SOS2: variants seen among roughly 807,000 people sequenced by gnomAD.
SOS2 encodes the protein son of sevenless homolog 2.
SOS2 carries 65 observed loss-of-function variants against 148.2 expected under a neutral mutation model. The ratio of observed to expected loss-of-function variants is 0.44; its 90% CI spans 0.36 to 0.54. The LOEUF (loss-of-function observed/expected upper bound fraction) is 0.54, where lower values mean the gene tolerates loss of function less well. SOS2 is among the 20% of genes least tolerant of loss of function. The probability of loss-of-function intolerance (pLI) is 0.00; values close to 1 mark genes in which losing one functional copy is unlikely to be tolerated. For missense variants in SOS2, 1,341 were observed against 1,590.2 expected, an observed-to-expected ratio of 0.84 and a Z score of 2.67; for synonymous variants, 539 against 537.1, an observed-to-expected ratio of 1.00 and a Z score of -0.05.
chr14:50,189,593 G>C (rs1886055239), intron 4 of SOS2, among the ~76,000 whole-genome samples: 1 of 152,002 alleles, frequency 6.6e-6, no homozygotes. Context: ...ATTTGAGTAG[G>C]GTTAAAAGGA....
At chr14:50,164,386 G>A (rs1217626772) in intron 8 of SOS2, among the ~76,000 whole-genome samples, 1 of 152,058 alleles carries the variant, frequency 6.6e-6, no homozygotes, top group African/African-American at 2.4e-5. Flanking sequence ...AATACAGTGA[G>A]CTGAGATTGT....
intron 1 of SOS2, among the ~76,000 whole-genome samples, chr14:50,214,612 G>A (rs1217204484): frequency 6.6e-6 from 1 of 151,856 alleles, no homozygotes; most frequent in Non-Finnish European, 1.5e-5. Context: ...AGGAGTTTCA[G>A]GCTTCCAAAC....
At chr14:50,155,901 G>C (rs1480838920) in intron 12 of SOS2, 3 of 151,964 alleles carry the variant, frequency 2.0e-5, no homozygotes, top group African/African-American at 7.3e-5. Flanking sequence ...TAGTAGAAAA[G>C]AATTACTTAT....
At chr14:50,171,247 A>G (rs1257204362) in intron 8 of SOS2, among the ~76,000 whole-genome samples, 1 of 152,208 alleles carries the variant, frequency 6.6e-6, no homozygotes, top group Non-Finnish European at 1.5e-5. Context: ...TAGTTACTCA[A>G]AAAATTAAAG....
At position 50,139,904 on chromosome 14, in the gene SOS2, C is replaced by T. The variant is rs774220533; in HGVS notation, c.2785+38G>A. On this transcript the variant is annotated intron_variant, in intron 17 of 22. Coordinates refer to ENST00000216373, the MANE Select transcript of SOS2 (RefSeq NM_006939.4). The stretch of plus-strand genomic sequence containing the variant: ...AGACTGCTCTCTTTTGGCTATCACA[C>T]GCTCACCCTCAAAATATATCCATAT... The T allele has an allele frequency of 2.7e-5, 28 of 1,022,382 alleles. No individual in the cohort carries two copies. The East Asian group carries it at 2.9e-4, about 10-fold the overall frequency. 63.3% of individuals were successfully genotyped at this position (1,022,382 alleles called of 1,614,324 possible). A position where few individuals can be genotyped will look rare whatever the true frequency, so the allele number is the denominator to read the frequency against.
chr14:50,217,736 C>A (rs758053734), intron 1 of SOS2, among the ~76,000 whole-genome samples: 2 of 151,230 alleles, frequency 1.3e-5, no homozygotes, highest in Non-Finnish European at 3.0e-5. Context: ...GCCGGTGGAT[C>A]ACGAGGTCAG....
chr14:50,127,509 T>TA (rs1331376114), intron 21 of SOS2, among the ~76,000 whole-genome samples: 1 of 152,166 alleles, frequency 6.6e-6, no homozygotes, highest in Non-Finnish European at 1.5e-5. Flanking sequence ...TGGTAACAAC[T>TA]ACAGCAGGTA....
At chr14:50,167,954 G>A (rs1320378969) in intron 8 of SOS2, among the ~76,000 whole-genome samples, 4 of 151,698 alleles carry the variant, frequency 2.6e-5, no homozygotes, top group Non-Finnish European at 4.4e-5. Flanking sequence ...CAAAGTAAAA[G>A]GTAAAAAAAT....
At chr14:50,210,862 G>A (rs1485198254) in intron 1 of SOS2, among the ~76,000 whole-genome samples, 1 of 152,052 alleles carries the variant, frequency 6.6e-6, no homozygotes, top group African/African-American at 2.4e-5. Flanking sequence ...TCACCAGGCA[G>A]CAAAACTAAA....
chr14:50,158,056 T>G (rs1233337077), intron 11 of SOS2, among the ~76,000 whole-genome samples: 1 of 151,966 alleles, frequency 6.6e-6, no homozygotes, highest in Non-Finnish European at 1.5e-5. Flanking sequence ...AATCATGGGG[T>G]GGGGTGTTTA....
chr14:50,168,785 C>G (rs930898984), intron 8 of SOS2, among the ~76,000 whole-genome samples: 2 of 152,104 alleles, frequency 1.3e-5, no homozygotes, highest in Non-Finnish European at 2.9e-5. Flanking sequence ...TAGTGTGACT[C>G]AAAGGTTATT....
In SOS2 at chr14:50,231,529, G is replaced by C. The variant is rs988673365; in HGVS notation, c.-246C>G. The C allele has an allele frequency of 6.6e-6, 1 of 151,678 alleles. No individual in the cohort carries two copies. Among genetic ancestry groups the C allele is most frequent in the East Asian group, 1.9e-4 (1 of 5,150 alleles). 9.4% of individuals were successfully genotyped at this position (151,678 alleles called of 1,614,324 possible). A position where few individuals can be genotyped will look rare whatever the true frequency, so the allele number is the denominator to read the frequency against. On this transcript the variant is annotated 5_prime_UTR_variant, in exon 1 of 23. Transcript: ENST00000216373. The stretch of plus-strand genomic sequence containing the variant: ...AGGAAGCGCGGCGACCCGCAAGCCC[G>C]GGCGACCCCGGGCGGCGACCTCCTT...
intron 5 of SOS2, among the ~76,000 whole-genome samples, chr14:50,184,479 T>C (rs1019538399): frequency 1.3e-5 from 2 of 152,088 alleles, no homozygotes; most frequent in African/African-American, 4.8e-5. Context: ...AATACTGAGT[T>C]TATGCTAATG....
chr14:50,139,960 G>A lies in SOS2; in HGVS notation c.2767C>T (p.Pro923Ser), dbSNP rs917537969. The A allele has an allele frequency of 6.4e-7, 1 of 1,569,780 alleles. No homozygotes were observed. Among genetic ancestry groups the A allele is most frequent in the Non-Finnish European group, 8.8e-7 (1 of 1,141,102 alleles). ...YLVKLKSINP[P>S]CVPFFGIYLT... ...AACTTACCAAAAAAAGGCACACAAGGTGGATTGATTGACTTAAGTTTTACT... is the reference window on the plus strand; with the variant it reads ...AACTTACCAAAAAAAGGCACACAAGATGGATTGATTGACTTAAGTTTTACT... The change falls in exon 17 of 23, where the codon CCT (proline) becomes TCT (serine). Residue 923 changes from proline (P) to serine (S), a missense_variant. By Grantham distance (74) the Pro-to-Ser change is moderately conservative. Transcript: ENST00000216373.
At chr14:50,180,537 A>T (rs1302357232) in intron 7 of SOS2, 35 bp downstream of exon 7, 1 of 915,384 alleles carries the variant, frequency 1.1e-6, no homozygotes, top group Non-Finnish European at 1.6e-6. Flanking sequence ...CTTTATTAAA[A>T]AAAAAAAAAA....
intron 7 of SOS2, among the ~76,000 whole-genome samples, chr14:50,178,445 A>G (rs1406596367): frequency 1.3e-5 from 2 of 151,682 alleles, no homozygotes; most frequent in Non-Finnish European, 2.9e-5. Flanking sequence ...TTCTTTATAA[A>G]TCACCCAGTC....
At chr14:50,191,603 T>TA (rs1446330433) in intron 4 of SOS2, among the ~76,000 whole-genome samples, 1 of 152,156 alleles carries the variant, frequency 6.6e-6, no homozygotes, top group African/African-American at 2.4e-5. Flanking sequence ...GTTCCATTCT[T>TA]AAAACTCTTT....
intron 8 of SOS2, among the ~76,000 whole-genome samples, chr14:50,163,645 C>G (rs1468173798): frequency 6.6e-6 from 1 of 152,182 alleles, no homozygotes; most frequent in Non-Finnish European, 1.5e-5. Flanking sequence ...GTTATTCTGA[C>G]TTCTACAGGT....
chr14:50,215,462 C>G, intron 1 of SOS2: 1 of 1,248,742 alleles, frequency 8.0e-7, no homozygotes, highest in Non-Finnish European at 1.0e-6. Flanking sequence ...AAAATTACCA[C>G]GACAGAACCA....
Sources: allele counts gnomAD v4.1 joint callset (sites outside exome capture counted in the v4.1 genomes callset), GRCh38; gene constraint gnomAD v4.1.1; transcripts MANE v1.5; gene names NCBI Gene and HGNC (gene_info 2026-07-23, HGNC 2026-07-21).